EIF4G3: variants seen among roughly 807,000 people sequenced by gnomAD.
EIF4G3 encodes the protein eIF-4-gamma 3.
EIF4G3 carries 34 observed loss-of-function variants against 186.4 expected under a neutral mutation model. The observed-to-expected ratio is 0.18, with a 90% CI of 0.14 to 0.24. The LOEUF is 0.24. Among genes scored for constraint, EIF4G3 ranks in the 10% least tolerant of loss-of-function variants. The pLI, the probability that EIF4G3 is intolerant of heterozygous loss-of-function variation, is 1.00. For synonymous variants in EIF4G3, 673 were observed against 679.5 expected, an observed-to-expected ratio of 0.99 and a Z score of 0.15; for missense variants, 1,536 against 1,948.5, an observed-to-expected ratio of 0.79 and a Z score of 3.99.
intron 7 of EIF4G3, among the ~76,000 whole-genome samples, chr1:20,985,954 A>C (rs180821434): frequency 6.2e-4 from 94 of 152,248 alleles, no homozygotes; most frequent in Non-Finnish European, 1.2e-4. Flanking sequence ...TCTCGTGTCC[A>C]TCCCTAAAAC....
intron 4 of EIF4G3, among the ~76,000 whole-genome samples, chr1:21,007,994 A>G (rs1215716270): frequency 1.3e-5 from 2 of 152,240 alleles, no homozygotes; most frequent in Admixed American, 6.5e-5. Flanking sequence ...TGAAATACAA[A>G]TATGCCAAGC....
At chr1:21,117,332 T>A (rs757896438) in intron 2 of EIF4G3, among the ~76,000 whole-genome samples, 21 of 152,176 alleles carry the variant, frequency 1.4e-4, no homozygotes, top group Non-Finnish European at 2.1e-4. Context: ...ATGAGTTAGA[T>A]GAGATACGGT....
chr1:20,932,443 C>G (rs1001800908), intron 14 of EIF4G3, among the ~76,000 whole-genome samples: 2 of 152,206 alleles, frequency 1.3e-5, no homozygotes, highest in Non-Finnish European at 2.9e-5. Context: ...CTAGCTTTCA[C>G]TCTGTCTCAG....
At chr1:21,098,846 A>T (rs2096451151) in intron 2 of EIF4G3, among the ~76,000 whole-genome samples, 1 of 152,136 alleles carries the variant, frequency 6.6e-6, no homozygotes, top group African/African-American at 2.4e-5. Flanking sequence ...TATGTTGCCC[A>T]GGCTGGTCCC....
At chr1:21,132,723 A>T (rs1261638058) in intron 2 of EIF4G3, among the ~76,000 whole-genome samples, 2 of 151,918 alleles carry the variant, frequency 1.3e-5, no homozygotes, top group Non-Finnish European at 2.9e-5. Flanking sequence ...CACAGGCATG[A>T]GCTACCATGC....
chr1:20,825,962 T>A (rs1421683178), intron 32 of EIF4G3, among the ~76,000 whole-genome samples: 1 of 152,212 alleles, frequency 6.6e-6, no homozygotes, highest in Admixed American at 6.5e-5. Context: ...ATGCCAGGTT[T>A]GAGGCTGTTG....
intron 14 of EIF4G3, among the ~76,000 whole-genome samples, chr1:20,932,980 T>G (rs1573054797): frequency 3.3e-5 from 5 of 152,218 alleles, no homozygotes; most frequent in Admixed American, 3.3e-4. Flanking sequence ...CTCAGAAGAC[T>G]CCTACTATAT....
intron 20 of EIF4G3, among the ~76,000 whole-genome samples, chr1:20,873,849 T>A (rs946467255): frequency 2.6e-5 from 4 of 151,460 alleles, no homozygotes; most frequent in African/African-American, 9.7e-5. Flanking sequence ...TCAACCCCCA[T>A]CCCCCAAAAA....
intron 28 of EIF4G3, among the ~76,000 whole-genome samples, chr1:20,849,911 A>G (rs948598239): frequency 6.6e-6 from 1 of 152,080 alleles, no homozygotes; most frequent in Admixed American, 6.6e-5. Flanking sequence ...GCTTGAACAA[A>G]CCGTGGCTAT....
At chr1:21,112,532 A>G (rs2102208639) in intron 2 of EIF4G3, among the ~76,000 whole-genome samples, 1 of 152,312 alleles carries the variant, frequency 6.6e-6, no homozygotes, top group African/African-American at 2.4e-5. Flanking sequence ...AGAAAAAAAA[A>G]TCCTACAAAC....
intron 4 of EIF4G3, among the ~76,000 whole-genome samples, chr1:21,017,455 C>T (rs917515773): frequency 4.6e-5 from 7 of 151,610 alleles, no homozygotes; most frequent in South Asian, 2.1e-4. Flanking sequence ...GGCAAAACTC[C>T]GTCTCTACTA....
At chr1:21,131,290 A>G (rs2097147809) in intron 2 of EIF4G3, among the ~76,000 whole-genome samples, 1 of 150,820 alleles carries the variant, frequency 6.6e-6, no homozygotes, top group African/African-American at 2.4e-5. Flanking sequence ...AGATGTATCA[A>G]CAGAAATTAC....
chr1:21,124,091 G>A (rs1215093141), intron 2 of EIF4G3, among the ~76,000 whole-genome samples: 1 of 152,060 alleles, frequency 6.6e-6, no homozygotes, highest in East Asian at 1.9e-4. Context: ...AGGAGTTCCA[G>A]ACCAGCCTAG....
At position 21,176,351 on chromosome 1, in the gene EIF4G3, C is replaced by A; in HGVS notation, c.-448G>T. On this transcript the variant is annotated 5_prime_UTR_variant, in exon 2 of 37. Transcript: ENST00000602326. Reference sequence around the variant, plus strand: ...TGCCGGGTCCGGTTCCTGCTGCAGTCGCTGTGCCTGATTTCAGAGCCGGTT... The same window carrying A: ...TGCCGGGTCCGGTTCCTGCTGCAGTAGCTGTGCCTGATTTCAGAGCCGGTT... 1 of 255,518 alleles carries A rather than the reference C, an allele frequency of 3.9e-6. No homozygotes were observed. Among genetic ancestry groups the A allele is most frequent in the Admixed American group, 5.6e-5 (1 of 17,786 alleles). The allele number at this position is 255,518 out of a possible 1,614,324, so 15.8% of individuals were successfully genotyped here. A position where few individuals can be genotyped will look rare whatever the true frequency, so the allele number is the denominator to read the frequency against.
intron 2 of EIF4G3, among the ~76,000 whole-genome samples, chr1:21,145,745 G>A (rs1333366427): frequency 6.6e-6 from 1 of 151,766 alleles, no homozygotes; most frequent in East Asian, 1.9e-4. Context: ...AATCTCTATG[G>A]CAAAATCTAG....
chr1:21,039,032 C>A (rs1363344259), intron 4 of EIF4G3, among the ~76,000 whole-genome samples: 2 of 152,116 alleles, frequency 1.3e-5, no homozygotes, highest in Non-Finnish European at 2.9e-5. Flanking sequence ...ACGTCTCAAA[C>A]CTGGATTTCA....
At chr1:21,105,148 T>G (rs1452322906) in intron 2 of EIF4G3, among the ~76,000 whole-genome samples, 1 of 152,158 alleles carries the variant, frequency 6.6e-6, no homozygotes, top group Admixed American at 6.5e-5. Context: ...ACAGGTCAGG[T>G]GCGTTGGCTC....
At chr1:20,918,568 TTTA>T (rs2094163514) in intron 14 of EIF4G3, among the ~76,000 whole-genome samples, 6 of 152,154 alleles carry the variant, frequency 3.9e-5, no homozygotes, top group Admixed American at 3.9e-4. Flanking sequence ...TTCAACATGC[TTTA>T]TTTTCACTTA....
chr1:20,906,817 C>T (rs564333823), intron 14 of EIF4G3, among the ~76,000 whole-genome samples: 1 of 151,520 alleles, frequency 6.6e-6, no homozygotes, highest in Non-Finnish European at 1.5e-5. Flanking sequence ...TGGATACACA[C>T]ACACACACAC....
Sources: gnomAD v4.1 joint callset for allele counts (sites outside exome capture counted in the v4.1 genomes callset) on GRCh38, gnomAD v4.1.1 for gene constraint, MANE v1.5 for transcripts, NCBI Gene and HGNC (gene_info 2026-07-23, HGNC 2026-07-21) for gene names.